Variants in DOCK1 observed in about 807,000 individuals in gnomAD.
DOCK1 encodes dedicator of cytokinesis protein 1.
Under a neutral mutation model 262.7 loss-of-function variants are expected in DOCK1, and 138 were observed. That is an observed-to-expected ratio of 0.53 (90% CI 0.46 to 0.61). The LOEUF (loss-of-function observed/expected upper bound fraction) is 0.61. Among genes scored for constraint, DOCK1 ranks in the 20% least tolerant of loss-of-function variants. The pLI, the probability that DOCK1 is intolerant of heterozygous loss-of-function variation, is 0.00. For synonymous variants in DOCK1, 866 were observed against 867.4 expected (o/e 1.00, Z 0.03); for missense variants, 1,908 against 2,370.7 (o/e 0.80, Z 4.05).
intron 29 of DOCK1, among the ~76,000 whole-genome samples, chr10:127,319,517 A>T (rs1329391066): frequency 6.6e-6 from 1 of 152,236 alleles, no homozygotes; most frequent in East Asian, 1.9e-4. Context: ...TCATTAGCCC[A>T]TGATCACTCA....
intron 23 of DOCK1, among the ~76,000 whole-genome samples, chr10:127,076,611 G>A (rs1044657479): frequency 1.3e-5 from 2 of 152,182 alleles, no homozygotes; most frequent in Non-Finnish European, 2.9e-5. Flanking sequence ...AGTGGTGAGG[G>A]TTCCTGCAGC....
chr10:126,976,135 A>T (rs1399098221), intron 2 of DOCK1, among the ~76,000 whole-genome samples: 2 of 152,132 alleles, frequency 1.3e-5, no homozygotes, highest in East Asian at 3.9e-4. Context: ...TTTTTGATAT[A>T]TGAGCACTGT....
chr10:127,090,261 G>T lies in DOCK1; in HGVS notation c.2446-15970G>T, dbSNP rs532891047. On this transcript the variant is annotated intron_variant, in intron 23 of 51. Transcript: ENST00000623213. ...AGTGGCACCGGAACTCATTAAGAAG[G>T]TGACTAATTTCAGGGCCGTGTTAAC... Among the ~76,000 whole-genome samples, 24 of 152,252 alleles carry T rather than the reference G, an allele frequency of 1.6e-4. No individual in the cohort carries two copies. The South Asian group carries it at 5.0e-3, about 32-fold the overall frequency.
rs955296557 is a variant in DOCK1, at chr10:127,100,851, G to A, written c.2446-5380G>A. Among the ~76,000 whole-genome samples, 1 of 152,148 alleles carries A rather than the reference G, an allele frequency of 6.6e-6. No homozygotes were observed. On this transcript the variant is annotated intron_variant, in intron 23 of 51. Transcript: ENST00000623213. This position sits in a 1 kb window ranked among gnomAD's most constrained non-coding sequence, Gnocchi z 5.5. ...GCCGGAGTCAGGCTGCAGTGGGAGTGAGGAGGGGTCGTGTGGGAAGTGGAC... is the reference window on the plus strand; with the variant it reads ...GCCGGAGTCAGGCTGCAGTGGGAGTAAGGAGGGGTCGTGTGGGAAGTGGAC...
At chr10:127,240,548 G>C (rs2134687290) in intron 27 of DOCK1, among the ~76,000 whole-genome samples, 1 of 152,134 alleles carries the variant, frequency 6.6e-6, no homozygotes, top group South Asian at 2.1e-4. Context: ...TATGTCTTAT[G>C]CTTAATCAAA....
chr10:127,250,574 T>A (rs897596030), intron 28 of DOCK1, among the ~76,000 whole-genome samples: 2 of 152,028 alleles, frequency 1.3e-5, no homozygotes, highest in African/African-American at 4.8e-5. Flanking sequence ...GTGGGTCACC[T>A]GAGGTCAGGA....
chr10:127,443,236 G>A (rs1008469850), intron 49 of DOCK1, among the ~76,000 whole-genome samples: 1 of 152,202 alleles, frequency 6.6e-6, no homozygotes, highest in African/African-American at 2.4e-5. Context: ...TGTCCTGTTG[G>A]AATTGGACCT....
At chr10:127,323,218 G>A (rs951831589) in intron 29 of DOCK1, among the ~76,000 whole-genome samples, 1 of 152,274 alleles carries the variant, frequency 6.6e-6, no homozygotes, top group Admixed American at 6.5e-5. Context: ...GGGGTAAGGC[G>A]CAAACATCAG....
At chr10:127,258,966 C>A (rs2134970799) in intron 29 of DOCK1, among the ~76,000 whole-genome samples, 1 of 152,260 alleles carries the variant, frequency 6.6e-6, no homozygotes. Context: ...TTTCTGCTTT[C>A]TGGGGCAGCA....
intron 1 of DOCK1, among the ~76,000 whole-genome samples, chr10:126,956,243 A>G (rs1475249176): frequency 3.3e-5 from 5 of 152,228 alleles, no homozygotes; most frequent in African/African-American, 1.2e-4. Flanking sequence ...AACACATCTG[A>G]GCAGACTTCT....
chr10:127,029,045 G>A (rs1185345484), intron 16 of DOCK1, among the ~76,000 whole-genome samples: 7 of 152,232 alleles, frequency 4.6e-5, no homozygotes, highest in African/African-American at 1.4e-4. Context: ...AGGGCAGAGC[G>A]ATAGCTCCTG....
chr10:127,073,719 C>T (rs2046361248), intron 23 of DOCK1, among the ~76,000 whole-genome samples: 1 of 152,120 alleles, frequency 6.6e-6, no homozygotes, highest in Non-Finnish European at 1.5e-5. Context: ...GGAGGCTATC[C>T]CTGAAAGGAA....
rs2037453675 is a variant in DOCK1, at chr10:126,963,673, C to CCTTCCTTCCTTCCTT, written c.47-7028_47-7027insTTCCTTCCTTCCTTC. ...TTCCTTCCTTCCTTCCTTCCTTCCT[C>CCTTCCTTCCTTCCTT]CCTCCCTTCCTCCCTTCCTTCCTTC... On this transcript the variant is annotated intron_variant, in intron 1 of 51. Coordinates refer to ENST00000623213, the MANE Select transcript of DOCK1 (RefSeq NM_001290223.2). Among the ~76,000 whole-genome samples the CCTTCCTTCCTTCCTT allele has an allele frequency of 1.5e-3, 127 of 82,430 alleles. 4 individuals are homozygous for CCTTCCTTCCTTCCTT. Among genetic ancestry groups the CCTTCCTTCCTTCCTT allele is most frequent in the African/African-American group, 5.8e-3 (118 of 20,218 alleles). 54.1% of individuals were successfully genotyped at this position (82,430 alleles called of 152,430 possible). A position where few individuals can be genotyped will look rare whatever the true frequency, so the allele number is the denominator to read the frequency against.
At chr10:127,384,715 A>T in intron 37 of DOCK1, 75 bp from the exon 38 acceptor site, 1 of 1,450,790 alleles carries the variant, frequency 6.9e-7, no homozygotes, top group East Asian at 2.5e-5. Context: ...CGCGTGTCCG[A>T]TGCGAAGCTC....
At chr10:127,147,032 G>T (rs2051934371) in intron 27 of DOCK1, among the ~76,000 whole-genome samples, 1 of 152,220 alleles carries the variant, frequency 6.6e-6, no homozygotes, top group East Asian at 1.9e-4. Context: ...TGGTCTTATT[G>T]GTGTTGTAAT....
chr10:127,016,160 G>C (rs547813041), intron 12 of DOCK1: 1 of 152,354 alleles, frequency 6.6e-6, no homozygotes, highest in East Asian at 1.9e-4. Flanking sequence ...TGTCAGGGGA[G>C]GTCGTGAGGG....
intron 29 of DOCK1, among the ~76,000 whole-genome samples, chr10:127,319,521 T>A (rs2062428267): frequency 6.6e-6 from 1 of 152,196 alleles, no homozygotes; most frequent in African/African-American, 2.4e-5. Flanking sequence ...TAGCCCATGA[T>A]CACTCAGTTG....
Position 127,221,373 on chromosome 10 carries a change from C to T in DOCK1, c.2848-26635C>T, listed in dbSNP as rs140274599. 2.6e-4 allele frequency among the ~76,000 whole-genome samples: 39 copies of T among 152,128 alleles called. No homozygotes were observed. In the East Asian group the frequency reaches 7.5e-3, roughly 29 times the overall value. ...TGCATGGTGTGTTGTTATGGCAACCCTAGGAAACTAACATCAAGATCTTAA... is the reference window on the plus strand; with the variant it reads ...TGCATGGTGTGTTGTTATGGCAACCTTAGGAAACTAACATCAAGATCTTAA... On this transcript the variant is annotated intron_variant, in intron 27 of 51. Transcript: ENST00000623213.
chr10:127,268,315 G>T (rs1375627889), intron 29 of DOCK1, among the ~76,000 whole-genome samples: 2 of 151,678 alleles, frequency 1.3e-5, no homozygotes, highest in Non-Finnish European at 2.9e-5. Flanking sequence ...GACCAATATG[G>T]TGAAACCCTG....
Sources: gnomAD v4.1 joint callset for allele counts (sites outside exome capture counted in the v4.1 genomes callset) on GRCh38, gnomAD v4.1.1 for gene constraint, Gnocchi (gnomAD v3.1) non-coding constraint, MANE v1.5 for transcripts, NCBI Gene and HGNC (gene_info 2026-07-23, HGNC 2026-07-21) for gene names.